The following OR1A2 variants were observed in gnomAD, a reference collection of about 807,000 sequenced individuals.
OR1A2 encodes the protein olfactory receptor family 1 subfamily A member 2, also known as olfactory receptor 1A2.
For synonymous variants in OR1A2, 131 were observed against 140.0 expected (o/e 0.94, Z 0.46); for missense variants, 354 against 372.8 (o/e 0.95, Z 0.42).
Position 3,197,606 on chromosome 17 carries a change from A to AT in OR1A2, c.95dup (p.Leu32PhefsTer21), listed in dbSNP as rs748774437. On this transcript the variant is annotated frameshift_variant, in exon 1 of 1. Coordinates refer to ENST00000381951, the MANE Select transcript of OR1A2 (RefSeq NM_012352.3). LOFTEE classifies it low-confidence loss of function (END_TRUNC). Reference sequence around the variant, plus strand: ...AGAACAGAATAATGTCTTCTTTGTGATTTTTTTGTGCATTTACCCCATCAC... The same window carrying AT: ...AGAACAGAATAATGTCTTCTTTGTGATTTTTTTTGTGCATTTACCCCATCAC... 8.7e-6 allele frequency: 14 copies of AT among 1,612,518 alleles called. No homozygotes were observed. The highest frequency in any genetic ancestry group is 1.3e-5 in the African/African-American group (1 of 74,806).
Position 3,198,244 on chromosome 17 carries a change from C to G in OR1A2, c.726C>G (p.Ser242=). 6.2e-7 allele frequency: 1 copy of G among 1,614,146 alleles called. No individual in the cohort carries two copies. Among genetic ancestry groups the G allele is most frequent in the Non-Finnish European group, 8.5e-7 (1 of 1,180,016 alleles). The change falls in exon 1 of 1, where the codon TCC becomes TCG. Residue 242 remains serine (S), a synonymous_variant. Transcript: ENST00000381951. ...TCAAAGCCTTCTGCACCTGTGGCTC[C>G]CACCTCACAGTTGTTTTTTTATATT... ...SLFKAFCTCG[S]HLTVVFLYYG... is the part of the protein sequence containing the mutation.
At position 3,198,359 on chromosome 17, in the gene OR1A2, C is replaced by A; in HGVS notation, c.841C>A (p.Pro281Thr). 1 of 1,614,028 alleles carries A rather than the reference C, an allele frequency of 6.2e-7. No homozygotes were observed. The highest frequency in any genetic ancestry group is 8.5e-7 in the Non-Finnish European group (1 of 1,179,948). ...AACTGTGATGTATGTGGCAGTGACC[C>A]CAGCATTAAATCCTTTCATCTATAG... ...VITVMYVAVT[P>T]ALNPFIYSLR... Residue 281 changes from proline (P) to threonine (T), a missense_variant, in exon 1 of 1, where the codon CCA becomes ACA. Physicochemically the swap from Pro to Thr is conservative, Grantham distance 38. Coordinates refer to ENST00000381951, the MANE Select transcript of OR1A2 (RefSeq NM_012352.3).
chr17:3,198,159 T>C lies in OR1A2; in HGVS notation c.641T>C (p.Ile214Thr). 1.2e-6 allele frequency: 2 copies of C among 1,612,692 alleles called. No individual in the cohort carries two copies. The highest frequency in any genetic ancestry group is 1.7e-6 in the Non-Finnish European group (2 of 1,179,388). ...TTCTCTTTGCCATTACTATGCATCA[T>C]TGTCTCCTATGTTCAGGTCTTTTCC... ...GVFSLPLLCI[I>T]VSYVQVFSTV... Residue 214 changes from isoleucine (I) to threonine (T), a missense_variant, in exon 1 of 1, where the codon ATT becomes ACT. Transcript: ENST00000381951.
chr17:3,197,947 G>A lies in OR1A2; in HGVS notation c.429G>A (p.Leu143=), dbSNP rs2048369487. The A allele has an allele frequency of 6.2e-7, 1 of 1,614,046 alleles. No homozygotes were observed. The highest frequency in any genetic ancestry group is 1.1e-5 in the South Asian group (1 of 91,064). ...TTATGAGTCCACGGTCTTGTATCCT[G>A]CTTATTGCTGGGTCTTGGGTGATTG... ...TTIMSPRSCI[L]LIAGSWVIGN... The change falls in exon 1 of 1, where the codon CTG becomes CTA. Residue 143 remains leucine (L), a synonymous_variant. Transcript: ENST00000381951.
Position 3,197,910 on chromosome 17 carries a change from A to T in OR1A2, c.392A>T (p.His131Leu). 2.5e-6 allele frequency: 4 copies of T among 1,613,954 alleles called. No individual in the cohort carries two copies. Among genetic ancestry groups the T allele is most frequent in the Non-Finnish European group, 3.4e-6 (4 of 1,179,978 alleles). Residue 131 changes from histidine to leucine, a missense_variant, in exon 1 of 1, where the codon CAT (histidine) becomes CTT (leucine). Physicochemically the swap from His to Leu is moderately conservative, Grantham distance 99. Coordinates refer to ENST00000381951, the MANE Select transcript of OR1A2 (RefSeq NM_012352.3). ...DRAVAISCPL[H>L]YTTIMSPRSC... is the part of the protein sequence containing the mutation. ...GCTGTGGCCATCAGCTGCCCACTTCATTACACAACAATTATGAGTCCACGG... is the reference window on the plus strand; with the variant it reads ...GCTGTGGCCATCAGCTGCCCACTTCTTTACACAACAATTATGAGTCCACGG...
rs199681281 is a variant in OR1A2, at chr17:3,198,226, C to T, written c.708C>T (p.Ala236=). Residue 236 remains alanine (A), a synonymous_variant, in exon 1 of 1, where the codon GCC becomes GCT. Coordinates refer to ENST00000381951, the MANE Select transcript of OR1A2 (RefSeq NM_012352.3). ...QVPSTKSLFK[A]FCTCGSHLTV... ...CATCTACCAAGAGTCTATTCAAAGCCTTCTGCACCTGTGGCTCCCACCTCA... is the reference window on the plus strand; with the variant it reads ...CATCTACCAAGAGTCTATTCAAAGCTTTCTGCACCTGTGGCTCCCACCTCA... The T allele has an allele frequency of 1.4e-5, 23 of 1,614,018 alleles. No homozygotes were observed. In the Admixed American group the frequency reaches 3.3e-4, roughly 23 times the overall value.
At position 3,197,685 on chromosome 17, in the gene OR1A2, A is replaced by T; in HGVS notation, c.167A>T (p.His56Leu). Residue 56 changes from histidine to leucine, a missense_variant, in exon 1 of 1, where the codon CAC (histidine) becomes CTC (leucine). By Grantham distance (99) the His-to-Leu change is moderately conservative. Coordinates refer to ENST00000381951, the MANE Select transcript of OR1A2 (RefSeq NM_012352.3). ...GCCATCTGTGCTGACATTCGCCTTC[A>T]CAACCCCATGTATTTTCTCCTTGCC... Reference protein sequence around the residue: ...ILAICADIRLHNPMYFLLANL... With the variant: ...ILAICADIRLLNPMYFLLANL... 6.3e-7 allele frequency: 1 copy of T among 1,597,322 alleles called. No homozygotes were observed. The highest frequency in any genetic ancestry group is 8.5e-7 in the Non-Finnish European group (1 of 1,172,124).
In OR1A2 at chr17:3,198,357, C is replaced by A. The variant is rs753601250; in HGVS notation, c.839C>A (p.Thr280Asn). 1.9e-6 allele frequency: 3 copies of A among 1,614,034 alleles called. No individual in the cohort carries two copies. In the South Asian group the frequency reaches 3.3e-5, roughly 18 times the overall value. ...ATAACTGTGATGTATGTGGCAGTGA[C>A]CCCAGCATTAAATCCTTTCATCTAT... ...AVITVMYVAV[T>N]PALNPFIYSL... Residue 280 changes from threonine (T) to asparagine (N), a missense_variant, in exon 1 of 1, where the codon ACC (threonine) becomes AAC (asparagine). Transcript: ENST00000381951.
In OR1A2 at chr17:3,197,958, G is replaced by T; in HGVS notation, c.440G>T (p.Gly147Val). The T allele has an allele frequency of 6.2e-7, 1 of 1,614,008 alleles. No individual in the cohort carries two copies. Among genetic ancestry groups the T allele is most frequent in the Non-Finnish European group, 8.5e-7 (1 of 1,179,992 alleles). Residue 147 changes from glycine to valine, a missense_variant, in exon 1 of 1, where the codon GGG becomes GTG. By Grantham distance (109) the Gly-to-Val change is moderately radical. Coordinates refer to ENST00000381951, the MANE Select transcript of OR1A2 (RefSeq NM_012352.3). ...SPRSCILLIA[G>V]SWVIGNTSAL... ...CGGTCTTGTATCCTGCTTATTGCTG[G>T]GTCTTGGGTGATTGGAAACACCAGT...
rs745580713 is a variant in OR1A2, at chr17:3,198,190, CTTCCAAG to C, written c.678_684del (p.Gln226HisfsTer35). 8 of 1,612,824 alleles carry C rather than the reference CTTCCAAG, an allele frequency of 5.0e-6. No homozygotes were observed. The highest frequency in any genetic ancestry group is 6.8e-6 in the Non-Finnish European group (8 of 1,179,454). On this transcript the variant is annotated frameshift_variant, in exon 1 of 1. Transcript: ENST00000381951. LOFTEE classifies it low-confidence loss of function (END_TRUNC). ...CCTATGTTCAGGTCTTTTCCACAGT[CTTCCAAG>C]TTCCATCTACCAAGAGTCTATTCAA... is the stretch of plus-strand genomic sequence containing the variant.
rs778596966 is a variant in OR1A2, at chr17:3,197,992, C to T, written c.474C>T (p.Pro158=). ...SWVIGNTSAL[P]HTLLTASLSF... ...TGATTGGAAACACCAGTGCTCTCCC[C>T]CACACTCTGCTCACAGCTAGTTTGT... The change falls in exon 1 of 1, where the codon CCC becomes CCT. Residue 158 remains proline (P), a synonymous_variant. Transcript: ENST00000381951. The T allele has an allele frequency of 1.2e-6, 2 of 1,613,658 alleles. No homozygotes were observed. The highest frequency in any genetic ancestry group is 1.3e-5 in the African/African-American group (1 of 75,026).
At position 3,197,932 on chromosome 17, in the gene OR1A2, A is replaced by C. The variant is rs1417115305; in HGVS notation, c.414A>C (p.Pro138=). ...TTCATTACACAACAATTATGAGTCCACGGTCTTGTATCCTGCTTATTGCTG... is the reference window on the plus strand; with the variant it reads ...TTCATTACACAACAATTATGAGTCCCCGGTCTTGTATCCTGCTTATTGCTG... ...CPLHYTTIMS[P]RSCILLIAGS... The change falls in exon 1 of 1, where the codon CCA becomes CCC. Residue 138 remains proline, a synonymous_variant. Coordinates refer to ENST00000381951, the MANE Select transcript of OR1A2 (RefSeq NM_012352.3). 1 of 1,614,088 alleles carries C rather than the reference A, an allele frequency of 6.2e-7. No homozygotes were observed. Among genetic ancestry groups the C allele is most frequent in the East Asian group, 2.2e-5 (1 of 44,870 alleles).
At position 3,198,377 on chromosome 17, in the gene OR1A2, A is replaced by G. The variant is rs140544152; in HGVS notation, c.859A>G (p.Ile287Val). ...VAVTPALNPF[I>V]YSLRNWDMKA... ...AGTGACCCCAGCATTAAATCCTTTC[A>G]TCTATAGTCTGAGAAATTGGGATAT... The change falls in exon 1 of 1, where the codon ATC (isoleucine) becomes GTC (valine). Residue 287 changes from isoleucine to valine, a missense_variant. Coordinates refer to ENST00000381951, the MANE Select transcript of OR1A2 (RefSeq NM_012352.3). The G allele has an allele frequency of 2.5e-6, 4 of 1,613,978 alleles. No homozygotes were observed. The highest frequency in any genetic ancestry group is 3.4e-6 in the Non-Finnish European group (4 of 1,180,018).
rs1333707096 is a variant in OR1A2, at chr17:3,197,577, A to T, written c.59A>T (p.Gln20Leu). ...TTTATTCTCCTGGGAGTTACTAGTC[A>T]GCAAGAACAGAATAATGTCTTCTTT... ...LDFILLGVTS[Q>L]QEQNNVFFVI... Residue 20 changes from glutamine (Q) to leucine (L), a missense_variant, in exon 1 of 1, where the codon CAG (glutamine) becomes CTG (leucine). Transcript: ENST00000381951. The T allele has an allele frequency of 7.4e-6, 12 of 1,612,978 alleles. No individual in the cohort carries two copies. The highest frequency in any genetic ancestry group is 3.3e-5 in the Admixed American group (2 of 59,954).
Position 3,197,979 on chromosome 17 carries a change from C to T in OR1A2, c.461C>T (p.Thr154Ile). The T allele has an allele frequency of 6.2e-7, 1 of 1,613,808 alleles. No homozygotes were observed. Among genetic ancestry groups the T allele is most frequent in the East Asian group, 2.2e-5 (1 of 44,896 alleles). Residue 154 changes from threonine (T) to isoleucine (I), a missense_variant, in exon 1 of 1, where the codon ACC becomes ATC. By Grantham distance (89) the Thr-to-Ile change is moderately conservative. Transcript: ENST00000381951. ...GCTGGGTCTTGGGTGATTGGAAACACCAGTGCTCTCCCCCACACTCTGCTC... is the reference window on the plus strand; with the variant it reads ...GCTGGGTCTTGGGTGATTGGAAACATCAGTGCTCTCCCCCACACTCTGCTC... ...LIAGSWVIGN[T>I]SALPHTLLTA...
chr17:3,198,355 G>C lies in OR1A2; in HGVS notation c.837G>C (p.Val279=), dbSNP rs2048373192. ...DAVITVMYVA[V]TPALNPFIYS... is the part of the protein sequence containing the mutation. ...TGATAACTGTGATGTATGTGGCAGT[G>C]ACCCCAGCATTAAATCCTTTCATCT... Residue 279 remains valine (V), a synonymous_variant, in exon 1 of 1, where the codon GTG becomes GTC. Coordinates refer to ENST00000381951, the MANE Select transcript of OR1A2 (RefSeq NM_012352.3). The C allele has an allele frequency of 6.2e-7, 1 of 1,613,904 alleles. No individual in the cohort carries two copies. Among genetic ancestry groups the C allele is most frequent in the Non-Finnish European group, 8.5e-7 (1 of 1,179,936 alleles).
chr17:3,198,286 C>A lies in OR1A2; in HGVS notation c.768C>A (p.Gly256=), dbSNP rs757432372. 5.6e-6 allele frequency: 9 copies of A among 1,613,986 alleles called. No individual in the cohort carries two copies. The African/African-American group carries it at 1.2e-4, about 22-fold the overall frequency. Residue 256 remains glycine, a synonymous_variant, in exon 1 of 1, where the codon GGC becomes GGA. Coordinates refer to ENST00000381951, the MANE Select transcript of OR1A2 (RefSeq NM_012352.3). ...VVFLYYGTTM[G]MYFRPLTSYS... is the part of the protein sequence containing the mutation. ...TTTTATATTATGGTACAACGATGGGCATGTATTTCCGCCCTCTGACCAGTT... is the reference window on the plus strand; with the variant it reads ...TTTTATATTATGGTACAACGATGGGAATGTATTTCCGCCCTCTGACCAGTT...
rs76492057 is a variant in OR1A2 at position 3,198,006 on chromosome 17, C to G, written c.488C>G (p.Thr163Arg). ...NTSALPHTLL[T>R]ASLSFCGNQE... ...AGTGCTCTCCCCCACACTCTGCTCA[C>G]AGCTAGTTTGTCCTTCTGTGGCAAC... Residue 163 changes from threonine (T) to arginine (R), a missense_variant, in exon 1 of 1, where the codon ACA becomes AGA. Physicochemically the swap from Thr to Arg is moderately conservative, Grantham distance 71. Coordinates refer to ENST00000381951, the MANE Select transcript of OR1A2 (RefSeq NM_012352.3). The G allele has an allele frequency of 6.2e-7, 1 of 1,613,036 alleles. No homozygotes were observed. Among genetic ancestry groups the G allele is most frequent in the Admixed American group, 1.7e-5 (1 of 60,006 alleles).
Position 3,197,598 on chromosome 17 carries a change from T to C in OR1A2, c.80T>C (p.Phe27Ser). ...AGTCAGCAAGAACAGAATAATGTCT[T>C]CTTTGTGATTTTTTTGTGCATTTAC... ...VTSQQEQNNV[F>S]FVIFLCIYPI... Residue 27 changes from phenylalanine (F) to serine (S), a missense_variant, in exon 1 of 1, where the codon TTC (phenylalanine) becomes TCC (serine). Transcript: ENST00000381951. The C allele has an allele frequency of 6.2e-7, 1 of 1,612,848 alleles. No homozygotes were observed.
Sources: gnomAD v4.1 joint callset for allele counts on GRCh38, gnomAD v4.1.1 for gene constraint, MANE v1.5 for transcripts, NCBI Gene and HGNC (gene_info 2026-07-23, HGNC 2026-07-21) for gene names.